Variants in COP1 observed in about 807,000 individuals in gnomAD.
COP1 encodes E3 ubiquitin-protein ligase COP1.
In COP1, 24 loss-of-function variants were observed where a neutral mutation model predicts 101.3. That is an observed-to-expected ratio of 0.24 (90% confidence interval 0.17 to 0.33). The LOEUF (loss-of-function observed/expected upper bound fraction) is 0.33. Among genes scored for constraint, COP1 ranks in the 10% least tolerant of loss-of-function variants. COP1 has a pLI of 1.00. For missense variants in COP1, 663 were observed against 906.2 expected (o/e 0.73, Z 3.45); for synonymous variants, 347 against 341.9 (o/e 1.01, Z -0.17).
intron 15 of COP1, among the ~76,000 whole-genome samples, chr1:175,995,941 C>T (rs1367592480): frequency 6.6e-6 from 1 of 151,970 alleles, no homozygotes; most frequent in East Asian, 1.9e-4. Context: ...AGAGACACAA[C>T]CAAAAAAGAG....
chr1:175,997,799 T>C (rs1465109680), intron 15 of COP1, among the ~76,000 whole-genome samples: 3 of 152,080 alleles, frequency 2.0e-5, no homozygotes, highest in African/African-American at 7.2e-5. Flanking sequence ...ACACTGTTGG[T>C]GGGACTGTAA....
At chr1:175,963,073 A>G (rs947909762) in intron 18 of COP1, among the ~76,000 whole-genome samples, 28 of 151,814 alleles carry the variant, frequency 1.8e-4, no homozygotes, top group African/African-American at 6.8e-4. Flanking sequence ...GAAACTGAAC[A>G]CAGAAAAAAA....
chr1:176,100,526 G>A (rs1647495804), intron 9 of COP1, among the ~76,000 whole-genome samples: 1 of 151,776 alleles, frequency 6.6e-6, no homozygotes, highest in African/African-American at 2.4e-5. Context: ...GCTTGTTCCT[G>A]TGAACCAAAC....
chr1:176,052,078 A>T (rs560881244), intron 11 of COP1, among the ~76,000 whole-genome samples: 2 of 152,250 alleles, frequency 1.3e-5, no homozygotes, highest in African/African-American at 4.8e-5. Flanking sequence ...TTCATTCACC[A>T]CTCACTCACT....
intron 9 of COP1, among the ~76,000 whole-genome samples, chr1:176,090,370 T>C (rs1681044018): frequency 6.6e-6 from 1 of 152,208 alleles, no homozygotes; most frequent in African/African-American, 2.4e-5. Context: ...GTCACTCATT[T>C]TGGTTTTTTC....
chr1:176,011,068 C>A (rs1664574593), intron 15 of COP1, among the ~76,000 whole-genome samples: 1 of 152,092 alleles, frequency 6.6e-6, no homozygotes, highest in Non-Finnish European at 1.5e-5. Context: ...CTAATTAAAA[C>A]AGATTTTAGT....
chr1:176,112,376 G>C (rs905037522), intron 9 of COP1, among the ~76,000 whole-genome samples: 1 of 151,600 alleles, frequency 6.6e-6, no homozygotes, highest in Admixed American at 6.6e-5. Context: ...GGTTTGTTAC[G>C]TATATATACA....
intron 11 of COP1, among the ~76,000 whole-genome samples, chr1:176,064,678 G>C (rs1675588957): frequency 6.6e-6 from 1 of 151,928 alleles, no homozygotes; most frequent in African/African-American, 2.4e-5. Context: ...TTTTGAGATG[G>C]TGTCTTGCTC....
intron 9 of COP1, among the ~76,000 whole-genome samples, chr1:176,095,505 C>A (rs192879617): frequency 5.0e-4 from 76 of 152,224 alleles, no homozygotes; most frequent in Admixed American, 1.7e-3. Flanking sequence ...CATGGCAAAA[C>A]CCTGTTTCTA....
chr1:176,002,781 A>T (rs1662052453), intron 15 of COP1, among the ~76,000 whole-genome samples: 1 of 149,358 alleles, frequency 6.7e-6, no homozygotes, highest in Non-Finnish European at 1.5e-5. Context: ...GTTGGTTCCA[A>T]GTCTTTGCTA....
intron 1 of COP1, among the ~76,000 whole-genome samples, chr1:176,205,804 G>A (rs1700781916): frequency 6.6e-6 from 1 of 152,134 alleles, no homozygotes; most frequent in South Asian, 2.1e-4. Flanking sequence ...TCTATACCTA[G>A]CATTTCTCAA....
rs1007724935 is a variant in COP1 at position 175,987,448 on chromosome 1, T to C, written c.1973-345A>G. Among the ~76,000 whole-genome samples, 3 of 152,168 alleles carry C rather than the reference T, an allele frequency of 2.0e-5. No individual in the cohort carries two copies. The East Asian group carries it at 5.8e-4, about 29-fold the overall frequency. ...CTTTTGCACCAGCCTAATAAGTCTA[T>C]AGTAGAACCAGAAATATATTATAAG... On this transcript the variant is annotated intron_variant, in intron 17 of 19. Transcript: ENST00000367669.
At chr1:176,006,986 C>G (rs1454535959) in intron 15 of COP1, among the ~76,000 whole-genome samples, 1 of 152,070 alleles carries the variant, frequency 6.6e-6, no homozygotes, top group Non-Finnish European at 1.5e-5. Flanking sequence ...TCAGGTATAC[C>G]AATCAGATGT....
At chr1:176,195,306 C>A (rs1254423230) in intron 1 of COP1, among the ~76,000 whole-genome samples, 1 of 152,170 alleles carries the variant, frequency 6.6e-6, no homozygotes, top group Non-Finnish European at 1.5e-5. Flanking sequence ...AACGCTAAAT[C>A]TGTGTAAGCT....
intron 18 of COP1, among the ~76,000 whole-genome samples, chr1:175,976,095 AC>A (rs1437746244): frequency 6.6e-6 from 1 of 151,972 alleles, no homozygotes; most frequent in Non-Finnish European, 1.5e-5. Context: ...CCTTTACAAA[AC>A]AAAAAACTTT....
intron 11 of COP1, among the ~76,000 whole-genome samples, chr1:176,050,569 T>G (rs1672372715): frequency 6.6e-6 from 1 of 152,026 alleles, no homozygotes; most frequent in African/African-American, 2.4e-5. Context: ...AACTAAAACT[T>G]TAAGGAAACA....
At chr1:176,188,901 T>C (rs1222635878) in intron 1 of COP1, among the ~76,000 whole-genome samples, 1 of 151,794 alleles carries the variant, frequency 6.6e-6, no homozygotes, top group Non-Finnish European at 1.5e-5. Context: ...ATATGTGAAA[T>C]GTTCTAACAT....
At chr1:175,955,766 C>CCACACACACACACACACA (rs60306255) in intron 18 of COP1, among the ~76,000 whole-genome samples, 10,226 of 129,084 alleles carry the variant, frequency 0.079, 679 homozygotes, top group Admixed American at 0.1. Context: ...TAGAGACAAA[C>CCACACACACACACACACA]CACACACACA....
rs773357567 is a variant in COP1 at position 176,206,743 on chromosome 1, C to A, written c.236G>T (p.Gly79Val). Residue 79 changes from glycine to valine, a missense_variant, in exon 1 of 20, where the codon GGC becomes GTC. Physicochemically the swap from Gly to Val is moderately radical, Grantham distance 109. Transcript: ENST00000367669. ...GGACAGGCCCGTGGACACCGCCCCG[C>A]CGCCGCTACCCGATACGGCGGGCGC... ...LVAPAVSGSG[G>V]GAVSTGLSRH... 55 of 1,540,822 alleles carry A rather than the reference C, an allele frequency of 3.6e-5. No individual in the cohort carries two copies. The highest frequency in any genetic ancestry group is 4.5e-5 in the Non-Finnish European group (52 of 1,151,808).
Sources: allele counts gnomAD v4.1 joint callset (sites outside exome capture counted in the v4.1 genomes callset), GRCh38; gene constraint gnomAD v4.1.1; transcripts MANE v1.5; gene names NCBI Gene and HGNC (gene_info 2026-07-23, HGNC 2026-07-21).